Variants in HIF1A observed in about 807,000 individuals in gnomAD.
HIF1A encodes hypoxia inducible factor 1 subunit alpha.
A neutral mutation model predicts 92.7 loss-of-function variants in HIF1A; 24 were observed. That is an observed-to-expected ratio of 0.26 (90% confidence interval 0.19 to 0.36). The LOEUF is 0.36. Among genes scored for constraint, HIF1A ranks in the 10% least tolerant of loss-of-function variants. HIF1A has a pLI of 1.00. For synonymous variants in HIF1A, 319 were observed against 338.7 expected (o/e 0.94, Z 0.64); for missense variants, 799 against 998.5 (o/e 0.80, Z 2.69).
In HIF1A at chr14:61,721,840, G is replaced by A. The variant is rs2140137858; in HGVS notation, c.457+17G>A. The A allele has an allele frequency of 2.5e-6, 4 of 1,576,736 alleles. No individual in the cohort carries two copies. The highest frequency in any genetic ancestry group is 1.1e-5 in the South Asian group (1 of 90,208). On this transcript the variant is annotated intron_variant, in intron 4 of 14. Coordinates refer to ENST00000337138, the MANE Select transcript of HIF1A (RefSeq NM_001530.4). ...ACAGAAATGGTAAGAAAAGTCTGTT[G>A]TTTGATTTAATGTGACAGGTGGTTT...
At chr14:61,697,455 CA>C (rs1364303825) in intron 1 of HIF1A, among the ~76,000 whole-genome samples, 2 of 152,086 alleles carry the variant, frequency 1.3e-5, no homozygotes, top group Admixed American at 1.3e-4. Flanking sequence ...AATTATGTAC[CA>C]CTTTTTTTAT....
At chr14:61,711,995 A>T (rs1309623602) in intron 1 of HIF1A, among the ~76,000 whole-genome samples, 1 of 152,222 alleles carries the variant, frequency 6.6e-6, no homozygotes. Flanking sequence ...TGTTCATTGA[A>T]CAAAATAGAC....
chr14:61,730,746 A>G (rs2301108), intron 6 of HIF1A, among the ~76,000 whole-genome samples: 115,128 of 152,174 alleles, frequency 0.76, 47,755 homozygotes, highest in Non-Finnish European at 0.92. Flanking sequence ...TTAGCCACGT[A>G]TTGAGTTTTG....
At chr14:61,740,475 A>C in intron 10 of HIF1A, 30 bp from the exon 11 acceptor site, 1 of 1,515,066 alleles carries the variant, frequency 6.6e-7, no homozygotes, top group Non-Finnish European at 8.9e-7. Flanking sequence ...AAGCTTCTTC[A>C]GGAAATAGTA....
intron 4 of HIF1A, among the ~76,000 whole-genome samples, chr14:61,725,091 C>A (rs1405832742): frequency 1.3e-5 from 2 of 152,168 alleles, no homozygotes; most frequent in East Asian, 1.9e-4. Flanking sequence ...ACCCTTCTAA[C>A]CCATCTCTAC....
At chr14:61,737,649 T>C (rs1368127160) in intron 9 of HIF1A, among the ~76,000 whole-genome samples, 2 of 152,248 alleles carry the variant, frequency 1.3e-5, no homozygotes, top group Non-Finnish European at 2.9e-5. Flanking sequence ...GTAAACTTTC[T>C]GATGAAGGAA....
chr14:61,740,750 T>C lies in HIF1A; in HGVS notation c.1660-5T>C, dbSNP rs1415466175. ...GTAAAAACTCATGTATTTGCTGTTT[T>C]AAAGGACACAGATTTAGACTTGGAG... On this transcript the variant is annotated splice_polypyrimidine_tract_variant and splice_region_variant and intron_variant, in intron 11 of 14. Transcript: ENST00000337138. The C allele has an allele frequency of 6.2e-7, 1 of 1,603,782 alleles. No homozygotes were observed. Among genetic ancestry groups the C allele is most frequent in the Non-Finnish European group, 8.5e-7 (1 of 1,174,984 alleles).
chr14:61,720,894 G>A (rs531015961), intron 2 of HIF1A, among the ~76,000 whole-genome samples: 9 of 152,068 alleles, frequency 5.9e-5, no homozygotes, highest in Non-Finnish European at 1.2e-4. Flanking sequence ...ATAAGATACT[G>A]GCTTTTCCCC....
At chr14:61,699,458 GAT>G (rs752140391) in intron 1 of HIF1A, among the ~76,000 whole-genome samples, 1 of 19,904 alleles carries the variant, frequency 5.0e-5, no homozygotes, top group East Asian at 1.7e-3. Flanking sequence ...TCTCTTGACT[GAT>G]TTTTTTTTTT....
intron 1 of HIF1A, among the ~76,000 whole-genome samples, chr14:61,698,650 G>A (rs946380775): frequency 6.6e-6 from 1 of 152,144 alleles, no homozygotes; most frequent in Non-Finnish European, 1.5e-5. Context: ...TCTCCTGAAA[G>A]TGAAAAGACT....
At chr14:61,715,366 C>A (rs1465088646) in intron 1 of HIF1A, among the ~76,000 whole-genome samples, 1 of 152,222 alleles carries the variant, frequency 6.6e-6, no homozygotes, top group Non-Finnish European at 1.5e-5. Flanking sequence ...GTCCTAAATT[C>A]TGAAGCCAAC....
At chr14:61,737,792 C>T (rs867759780) in intron 9 of HIF1A, among the ~76,000 whole-genome samples, 7 of 151,994 alleles carry the variant, frequency 4.6e-5, no homozygotes, top group African/African-American at 1.5e-4. Flanking sequence ...TTTGGGAGGC[C>T]GAGGCGGGTG....
chr14:61,744,803 C>T lies in HIF1A; in HGVS notation c.2192C>T (p.Ala731Val), dbSNP rs774479232. ...GAACATGATGGTTCACTTTTTCAAGCAGTAGGAATTGTAAGTATGAGTAGT... is the reference window on the plus strand; with the variant it reads ...GAACATGATGGTTCACTTTTTCAAGTAGTAGGAATTGTAAGTATGAGTAGT... ...KMEHDGSLFQ[A>V]VGIGTLLQQP... Residue 731 changes from alanine to valine, a missense_variant, in exon 13 of 15, where the codon GCA (alanine) becomes GTA (valine). Around this residue, in one of 2 missense-constraint regions of HIF1A, gnomAD observed 283 missense variants for 277.5 expected, o/e 1.02. Coordinates refer to ENST00000337138, the MANE Select transcript of HIF1A (RefSeq NM_001530.4). 1.3e-6 allele frequency: 2 copies of T among 1,551,234 alleles called. No homozygotes were observed. Among genetic ancestry groups the T allele is most frequent in the East Asian group, 2.3e-5 (1 of 44,252 alleles).
At chr14:61,710,876 T>G (rs935303766) in intron 1 of HIF1A, among the ~76,000 whole-genome samples, 2 of 151,900 alleles carry the variant, frequency 1.3e-5, no homozygotes, top group Non-Finnish European at 2.9e-5. Context: ...CTGGCCAACA[T>G]AGTGAAACCC....
At chr14:61,736,127 C>T (rs555861982) in intron 8 of HIF1A, among the ~76,000 whole-genome samples, 3 of 151,874 alleles carry the variant, frequency 2.0e-5, no homozygotes, top group Non-Finnish European at 4.4e-5. Context: ...TACAGGTGTG[C>T]ACCACCACAC....
At chr14:61,737,184 A>C in intron 9 of HIF1A, 75 bp downstream of exon 9, 1 of 1,002,134 alleles carries the variant, frequency 1.0e-6, no homozygotes, top group East Asian at 2.5e-5. Flanking sequence ...ACATTACTTT[A>C]CGGTTTTTGT....
chr14:61,738,481 T>C lies in HIF1A; in HGVS notation c.1536+108T>C, dbSNP rs766205227. 8.0e-5 allele frequency: 83 copies of C among 1,031,096 alleles called. 1 individual carries two copies. The highest frequency in any genetic ancestry group is 9.7e-5 in the Non-Finnish European group (68 of 701,946). The allele number at this position is 1,031,096 out of a possible 1,614,324, so 63.9% of individuals were successfully genotyped here. A position where few individuals can be genotyped will look rare whatever the true frequency, so the allele number is the denominator to read the frequency against. The stretch of plus-strand genomic sequence containing the variant: ...TTATTTGAACCACAAATTACATTTG[T>C]GTGTGTGTTTGAATTTTAGCACTTT... On this transcript the variant is annotated intron_variant, in intron 10 of 14. Transcript: ENST00000337138.
In HIF1A at chr14:61,713,903, C is replaced by T. The variant is rs548059963; in HGVS notation, c.36-6479C>T. ...TGTTAGAATTGAATTGAAGGACACC[C>T]AGTTGGTGTCCGCTGCAGAACTGAT... is the stretch of plus-strand genomic sequence containing the variant. On this transcript the variant is annotated intron_variant, in intron 1 of 14. Transcript: ENST00000337138. 2.2e-4 allele frequency among the ~76,000 whole-genome samples: 34 copies of T among 152,176 alleles called. 1 individual carries two copies. In the South Asian group the frequency reaches 6.2e-3, roughly 28 times the overall value.
chr14:61,702,141 T>C (rs561027778), intron 1 of HIF1A, among the ~76,000 whole-genome samples: 88 of 151,780 alleles, frequency 5.8e-4, no homozygotes, highest in African/African-American at 2.1e-3. Flanking sequence ...TTTAGAAATA[T>C]TGTCGGCCCG....
Sources: gnomAD v4.1 joint callset for allele counts (sites outside exome capture counted in the v4.1 genomes callset) on GRCh38, gnomAD v4.1.1 for gene constraint, gnomAD v4.1.1 regional missense constraint, MANE v1.5 for transcripts, NCBI Gene and HGNC (gene_info 2026-07-23, HGNC 2026-07-21) for gene names.